The following ALK variants were observed in gnomAD, a reference collection of about 807,000 sequenced individuals.
The protein encoded by ALK is ALK receptor tyrosine kinase.
A neutral mutation model predicts 163.1 loss-of-function variants in ALK; 74 were observed. That is an observed-to-expected ratio of 0.45 (90% CI 0.38 to 0.55). The LOEUF is 0.55. Among genes scored for constraint, ALK ranks in the 20% least tolerant of loss-of-function variants. ALK has a pLI of 0.00. For synonymous variants in ALK, 960 were observed against 843.2 expected, an observed-to-expected ratio of 1.14 and a Z score of -2.40; for missense variants, 2,063 against 2,105.3, an observed-to-expected ratio of 0.98 and a Z score of 0.39.
chr2:29,715,171 T>C (rs971058776), intron 2 of ALK, among the ~76,000 whole-genome samples: 1 of 152,222 alleles, frequency 6.6e-6, no homozygotes, highest in Non-Finnish European at 1.5e-5. Flanking sequence ...GAATTAAATA[T>C]GGCAGAAAGA....
intron 1 of ALK, among the ~76,000 whole-genome samples, chr2:29,844,327 G>A (rs1042305812): frequency 8.5e-5 from 13 of 152,172 alleles, no homozygotes; most frequent in African/African-American, 2.4e-4. Context: ...AGTGCCCCCC[G>A]GGGCCAGTGG....
intron 4 of ALK, among the ~76,000 whole-genome samples, chr2:29,455,961 C>T (rs1670941905): frequency 6.6e-6 from 1 of 152,114 alleles, no homozygotes; most frequent in Admixed American, 6.5e-5. Context: ...AGTTTGAGGC[C>T]AAAGAGCTCT....
At chr2:29,691,294 A>C (rs1489546521) in intron 3 of ALK, among the ~76,000 whole-genome samples, 1 of 152,180 alleles carries the variant, frequency 6.6e-6, no homozygotes, top group Non-Finnish European at 1.5e-5. Flanking sequence ...GTGAGTACAG[A>C]CCACTCCATT....
intron 3 of ALK, among the ~76,000 whole-genome samples, chr2:29,560,462 CT>C (rs1404487222): frequency 1.3e-5 from 2 of 152,090 alleles, no homozygotes; most frequent in Non-Finnish European, 2.9e-5. Context: ...AGCCGAAGGC[CT>C]TTTTTTGGGG....
rs78637613 is a variant in ALK at position 29,454,195 on chromosome 2, C to A, written c.1155-70336G>T. ...CCTATAGAATTGAATTTATTTTCAACTGTGGGATATAGAAAATCATACACA... is the reference window on the plus strand; with the variant it reads ...CCTATAGAATTGAATTTATTTTCAAATGTGGGATATAGAAAATCATACACA... On this transcript the variant is annotated intron_variant, in intron 4 of 28. Coordinates refer to ENST00000389048, the MANE Select transcript of ALK (RefSeq NM_004304.5). 9.4e-3 allele frequency among the ~76,000 whole-genome samples: 1,427 copies of A among 152,252 alleles called. 21 individuals carry two copies. Among genetic ancestry groups the A allele is most frequent in the African/African-American group, 0.032 (1,349 of 41,520 alleles).
At position 29,376,902 on chromosome 2, in the gene ALK, A is replaced by G. The variant is rs1416775557; in HGVS notation, c.1282+6830T>C. On this transcript the variant is annotated intron_variant, in intron 5 of 28. Transcript: ENST00000389048. Reference sequence around the variant, plus strand: ...TAAGAAAGACATCTTCCATTGCCCAACATTGTCTTTGGTGGAGAAGAAGGA... The same window carrying G: ...TAAGAAAGACATCTTCCATTGCCCAGCATTGTCTTTGGTGGAGAAGAAGGA... Among the ~76,000 whole-genome samples the G allele has an allele frequency of 2.0e-5, 3 of 152,170 alleles. No homozygotes were observed. The East Asian group carries it at 5.8e-4, about 29-fold the overall frequency.
chr2:29,461,048 G>T (rs1671073062), intron 4 of ALK, among the ~76,000 whole-genome samples: 1 of 152,182 alleles, frequency 6.6e-6, no homozygotes, highest in Admixed American at 6.5e-5. Flanking sequence ...AAGTTTCGGT[G>T]TTCTGAATAG....
At chr2:29,360,659 C>A (rs1286137550) in intron 5 of ALK, among the ~76,000 whole-genome samples, 3 of 152,042 alleles carry the variant, frequency 2.0e-5, no homozygotes, top group Admixed American at 2.0e-4. Flanking sequence ...AGTCTTAGGG[C>A]AGATATGACA....
chr2:29,387,356 C>A (rs74690918), intron 4 of ALK, among the ~76,000 whole-genome samples: 2 of 152,082 alleles, frequency 1.3e-5, no homozygotes, highest in South Asian at 4.1e-4. Context: ...GAGAAAAACA[C>A]GGACCAGCCA....
rs148000336 is a variant in ALK at position 29,254,372 on chromosome 2, A to G, written c.2042-3105T>C. Among the ~76,000 whole-genome samples, 498 of 152,298 alleles carry G rather than the reference A, an allele frequency of 3.3e-3. 2 individuals are homozygous for G. The highest frequency in any genetic ancestry group is 6.8e-3 in the Middle Eastern group (2 of 294). ...TTCTCAATAGAGTGCTAGGGAAGAC[A>G]TCTAAAGGTATGGGCTTGGCACACT... is the stretch of plus-strand genomic sequence containing the variant. On this transcript the variant is annotated intron_variant, in intron 11 of 28. Coordinates refer to ENST00000389048, the MANE Select transcript of ALK (RefSeq NM_004304.5).
intron 3 of ALK, among the ~76,000 whole-genome samples, chr2:29,574,230 C>G (rs987497663): frequency 6.6e-6 from 1 of 152,174 alleles, no homozygotes; most frequent in Non-Finnish European, 1.5e-5. Context: ...AAGATTTGCT[C>G]TTACCACTGC....
At chr2:29,476,716 G>A (rs1307168242) in intron 4 of ALK, among the ~76,000 whole-genome samples, 1 of 152,104 alleles carries the variant, frequency 6.6e-6, no homozygotes, top group African/African-American at 2.4e-5. Context: ...GAGCGTGTGA[G>A]GCTGCCCAGG....
At chr2:29,582,397 A>G (rs4555303) in intron 3 of ALK, among the ~76,000 whole-genome samples, 97,224 of 152,086 alleles carry the variant, frequency 0.64, 31,273 homozygotes, top group African/African-American at 0.67. Flanking sequence ...CTGGGAGGGA[A>G]TTTGAGCCAG....
At chr2:29,440,320 T>TTCC (rs554139807) in intron 4 of ALK, among the ~76,000 whole-genome samples, 1 of 27,448 alleles carries the variant, frequency 3.6e-5, no homozygotes, top group Non-Finnish European at 1.5e-4. Flanking sequence ...ATGAATCAAT[T>TTCC]TTTTTTTTTT....
intron 3 of ALK, among the ~76,000 whole-genome samples, chr2:29,646,044 C>T (rs998067210): frequency 6.6e-6 from 1 of 152,130 alleles, no homozygotes; most frequent in African/African-American, 2.4e-5. Context: ...GACCACTGCC[C>T]TGAGATCCAG....
In ALK at chr2:29,621,136, A is replaced by G. The variant is rs151328625; in HGVS notation, c.952+73714T>C. On this transcript the variant is annotated intron_variant, in intron 3 of 28. Coordinates refer to ENST00000389048, the MANE Select transcript of ALK (RefSeq NM_004304.5). Reference sequence around the variant, plus strand: ...TTCACAGGCAGACTTTCCAGAATACATGCATCATTCATGGCCTCTAATTTT... The same window carrying G: ...TTCACAGGCAGACTTTCCAGAATACGTGCATCATTCATGGCCTCTAATTTT... Among the ~76,000 whole-genome samples, 720 of 152,262 alleles carry G rather than the reference A, an allele frequency of 4.7e-3. 8 individuals are homozygous for G. Among genetic ancestry groups the G allele is most frequent in the African/African-American group, 0.015 (627 of 41,552 alleles).
At chr2:29,203,928 C>G (rs964237903) in intron 26 of ALK, among the ~76,000 whole-genome samples, 1 of 151,920 alleles carries the variant, frequency 6.6e-6, no homozygotes, top group Non-Finnish European at 1.5e-5. Context: ...CTCTGGGACT[C>G]CTATTTTGTC....
intron 1 of ALK, among the ~76,000 whole-genome samples, chr2:29,911,420 C>T (rs1296205405): frequency 6.6e-6 from 1 of 152,194 alleles, no homozygotes; most frequent in African/African-American, 2.4e-5. Context: ...AGGGAATCCC[C>T]ATTTTGTTTC....
chr2:29,391,460 C>T (rs1395856075), intron 4 of ALK, among the ~76,000 whole-genome samples: 2 of 152,054 alleles, frequency 1.3e-5, no homozygotes, highest in African/African-American at 2.4e-5. Context: ...GCCATCATGC[C>T]CAGCTAATTT....
Sources: gnomAD v4.1 joint callset for allele counts (sites outside exome capture counted in the v4.1 genomes callset) on GRCh38, gnomAD v4.1.1 for gene constraint, MANE v1.5 for transcripts, NCBI Gene and HGNC (gene_info 2026-07-23, HGNC 2026-07-21) for gene names.